The following LRPPRC variants were observed in gnomAD, a reference collection of about 807,000 sequenced individuals.
LRPPRC encodes the protein leucine-rich PPR motif-containing protein, mitochondrial.
In LRPPRC, 120 loss-of-function variants were observed where a neutral mutation model predicts 180.3. That is an observed-to-expected ratio of 0.67 (90% CI 0.57 to 0.77). The LOEUF (loss-of-function observed/expected upper bound fraction) is 0.77, where lower values mean the gene tolerates loss of function less well. Among genes scored for constraint, LRPPRC ranks in the 30% least tolerant of loss-of-function variants. The probability of loss-of-function intolerance (pLI) is 0.00; values close to 1 mark genes in which losing one functional copy is unlikely to be tolerated. For missense variants in LRPPRC, 2,012 were observed against 1,657.2 expected, an observed-to-expected ratio of 1.21 and a Z score of -3.72; for synonymous variants, 723 against 600.0, an observed-to-expected ratio of 1.21 and a Z score of -3.00.
intron 25 of LRPPRC, among the ~76,000 whole-genome samples, chr2:43,928,445 T>A (rs1001654935): frequency 1.3e-5 from 2 of 152,122 alleles, no homozygotes; most frequent in African/African-American, 4.8e-5. Flanking sequence ...AAATAGAAAT[T>A]TTCACCTGTT....
intron 29 of LRPPRC, among the ~76,000 whole-genome samples, chr2:43,913,425 A>G (rs1360374064): frequency 6.6e-6 from 1 of 152,176 alleles, no homozygotes; most frequent in Non-Finnish European, 1.5e-5. Context: ...GAAATATAAA[A>G]CTTCTAATTA....
intron 14 of LRPPRC, among the ~76,000 whole-genome samples, chr2:43,950,970 T>C (rs1166631975): frequency 6.6e-6 from 1 of 152,158 alleles, no homozygotes; most frequent in Non-Finnish European, 1.5e-5. Flanking sequence ...CTCGGGAGGC[T>C]GAGGCAGGAG....
intron 29 of LRPPRC, 69 bp from the exon 30 acceptor site, chr2:43,912,627 C>T: frequency 7.0e-7 from 1 of 1,432,002 alleles, no homozygotes; most frequent in Non-Finnish European, 9.8e-7. Context: ...TGGAAAAAAT[C>T]CTGAAACAAA....
chr2:43,973,751 C>T, intron 10 of LRPPRC, 37 bp from the exon 11 acceptor site: 6 of 1,601,636 alleles, frequency 3.7e-6, no homozygotes, highest in Non-Finnish European at 3.4e-6. Flanking sequence ...AAAGCTACCT[C>T]AGCAAAACTT....
chr2:43,957,788 C>G (rs930223612), intron 13 of LRPPRC, among the ~76,000 whole-genome samples: 1 of 152,072 alleles, frequency 6.6e-6, no homozygotes, highest in African/African-American at 2.4e-5. Context: ...CATGGTGGCA[C>G]CATGAAGAGA....
chr2:43,899,101 G>A lies in LRPPRC; in HGVS notation c.3825+118C>T. On this transcript the variant is annotated intron_variant, in intron 34 of 37. Transcript: ENST00000260665. The stretch of plus-strand genomic sequence containing the variant: ...CGTGATTCACACTGAATGTAAACAA[G>A]CTAGCTGCACACCACACTGAATTTC... The A allele has an allele frequency of 5.4e-6, 4 of 736,592 alleles. No homozygotes were observed. In the South Asian group the frequency reaches 5.9e-5, roughly 11 times the overall value. 45.6% of individuals were successfully genotyped at this position (736,592 alleles called of 1,614,324 possible).
chr2:43,991,351 T>C (rs184078794), intron 1 of LRPPRC, among the ~76,000 whole-genome samples: 3 of 152,254 alleles, frequency 2.0e-5, no homozygotes, highest in South Asian at 2.1e-4. Flanking sequence ...AGATTCTTAA[T>C]ATTTGCAGAA....
chr2:43,974,784 G>A (rs372328394), intron 7 of LRPPRC, 26 bp from the exon 8 acceptor site: 1 of 1,607,468 alleles, frequency 6.2e-7, no homozygotes, highest in South Asian at 1.1e-5. Context: ...GAAATTAGAA[G>A]ACAAAGTTAG....
In LRPPRC at chr2:43,966,007, GAAGA is replaced by G. The variant is rs1559026008; in HGVS notation, c.1370-2305_1370-2302del. Among the ~76,000 whole-genome samples the G allele has an allele frequency of 4.6e-5, 7 of 152,266 alleles. No individual in the cohort carries two copies. The South Asian group carries it at 1.2e-3, about 27-fold the overall frequency. On this transcript the variant is annotated intron_variant, in intron 11 of 37. Coordinates refer to ENST00000260665, the MANE Select transcript of LRPPRC (RefSeq NM_133259.4). ...CCAAAGGAAATAAAATCACTATCTT[GAAGA>G]AACATTTGTTCATCCCAGCATTATT...
chr2:43,995,998 G>A (rs1255617837), upstream of LRPPRC: 36 of 1,518,488 alleles, frequency 2.4e-5, no homozygotes, highest in Admixed American at 1.4e-4. Flanking sequence ...AGGACAGGAG[G>A]AGCATGTGAC....
chr2:43,926,824 G>C (rs527874417), intron 25 of LRPPRC, among the ~76,000 whole-genome samples: 3 of 152,148 alleles, frequency 2.0e-5, no homozygotes, highest in African/African-American at 4.8e-5. Flanking sequence ...AATGCTTTGC[G>C]AACTTCACAG....
chr2:43,935,020 ATGGGGG>A (rs1315555855), intron 23 of LRPPRC, 142 bp from the exon 24 acceptor site: 4 of 615,210 alleles, frequency 6.5e-6, no homozygotes, highest in Middle Eastern at 4.3e-4. Flanking sequence ...CAAAGCTAAA[ATGGGGG>A]AAAAAAAGAA....
chr2:43,940,647 AT>A (rs1672446956), intron 23 of LRPPRC, among the ~76,000 whole-genome samples: 1 of 152,152 alleles, frequency 6.6e-6, no homozygotes, highest in Admixed American at 6.5e-5. Context: ...AGCTTCAGTT[AT>A]TTTTTAATGC....
rs1559022355 is a variant in LRPPRC, at chr2:43,963,891, T to C, written c.1370-185A>G. 4.7e-5 allele frequency: 29 copies of C among 613,950 alleles called. No homozygotes were observed. The South Asian group carries it at 5.5e-4, about 12-fold the overall frequency. The allele number at this position is 613,950 out of a possible 1,614,324, so 38.0% of individuals were successfully genotyped here. On this transcript the variant is annotated intron_variant, in intron 11 of 37. Coordinates refer to ENST00000260665, the MANE Select transcript of LRPPRC (RefSeq NM_133259.4). Reference sequence around the variant, plus strand: ...GATAAAAAAATTAACTCCTCCTTTCTTCATCCCCCTCTGTGAAACAGTAAA... The same window carrying C: ...GATAAAAAAATTAACTCCTCCTTTCCTCATCCCCCTCTGTGAAACAGTAAA...
At chr2:43,943,161 T>G (rs531196735) in intron 23 of LRPPRC, among the ~76,000 whole-genome samples, 2 of 152,150 alleles carry the variant, frequency 1.3e-5, no homozygotes, top group South Asian at 4.1e-4. Context: ...ATGCCTTAAA[T>G]TGAGCACCAA....
At chr2:43,903,469 G>A (rs187900038) in intron 31 of LRPPRC, 1 of 151,280 alleles carries the variant, frequency 6.6e-6, no homozygotes, top group Non-Finnish European at 1.5e-5. Flanking sequence ...GCTCTCATCA[G>A]CCATGGAGCA....
At chr2:43,931,786 G>A (rs1043413288) in intron 25 of LRPPRC, among the ~76,000 whole-genome samples, 1 of 152,048 alleles carries the variant, frequency 6.6e-6, no homozygotes. Flanking sequence ...ACCCTTAAAG[G>A]TGGCATTGGC....
At chr2:43,916,950 G>GAAAA (rs763964823) in intron 29 of LRPPRC, among the ~76,000 whole-genome samples, 22 of 118,140 alleles carry the variant, frequency 1.9e-4, no homozygotes, top group African/African-American at 5.8e-4. Flanking sequence ...TCTCCGGGGG[G>GAAAA]AAAAAAAAAA....
chr2:43,940,439 A>T (rs1672437316), intron 23 of LRPPRC, among the ~76,000 whole-genome samples: 1 of 152,190 alleles, frequency 6.6e-6, no homozygotes, highest in South Asian at 2.1e-4. Flanking sequence ...ATCTTAGAGA[A>T]ATTGTGACCT....
Sources: allele counts gnomAD v4.1 joint callset (sites outside exome capture counted in the v4.1 genomes callset), GRCh38; gene constraint gnomAD v4.1.1; transcripts MANE v1.5; gene names NCBI Gene and HGNC (gene_info 2026-07-23, HGNC 2026-07-21).